Variants in RNF212B observed in about 807,000 individuals in gnomAD.
The protein encoded by RNF212B is ring finger protein 212B, also known as E3 ubiquitin-protein ligase RNF212B.
In RNF212B, 52 loss-of-function variants were observed where a neutral mutation model predicts 55.5. That is an observed-to-expected ratio of 0.94 (90% CI 0.75 to 1.18). The LOEUF (loss-of-function observed/expected upper bound fraction) is 1.18, where lower values mean the gene tolerates loss of function less well. RNF212B is among the 50% of genes most tolerant of loss of function. The pLI is 0.00. For missense variants in RNF212B, 289 were observed against 350.4 expected (o/e 0.82, Z 1.40); for synonymous variants, 99 against 121.4 (o/e 0.82, Z 1.21).
intron 14 of RNF212B, among the ~76,000 whole-genome samples, chr14:23,271,205 G>A (rs1187127287): frequency 3.3e-5 from 5 of 152,122 alleles, no homozygotes; most frequent in Non-Finnish European, 7.4e-5. Flanking sequence ...TTGGGAGGCC[G>A]AGGCAGGTGG....
intron 11 of RNF212B, among the ~76,000 whole-genome samples, chr14:23,268,175 T>G (rs1885830282): frequency 6.6e-6 from 1 of 152,166 alleles, no homozygotes; most frequent in African/African-American, 2.4e-5. Flanking sequence ...TGCTGTCAAA[T>G]TAAGACAACC....
At chr14:23,190,824 G>A (rs765461682) in intron 1 of RNF212B, among the ~76,000 whole-genome samples, 1 of 152,184 alleles carries the variant, frequency 6.6e-6, no homozygotes, top group Admixed American at 6.5e-5. Flanking sequence ...GGAGGTCCTG[G>A]TGGCCACTTG....
At chr14:23,197,941 A>G (rs1005960906) in intron 2 of RNF212B, among the ~76,000 whole-genome samples, 8 of 152,206 alleles carry the variant, frequency 5.3e-5, no homozygotes, top group Admixed American at 2.0e-4. Context: ...TCTGGTGGGC[A>G]GGCGGGGATC....
intron 2 of RNF212B, among the ~76,000 whole-genome samples, chr14:23,216,212 C>T (rs554646751): frequency 6.6e-6 from 1 of 152,100 alleles, no homozygotes; most frequent in South Asian, 2.1e-4. Context: ...TGCCACTGCA[C>T]TCCAGCCTGG....
upstream of RNF212B, among the ~76,000 whole-genome samples, chr14:23,233,255 C>G (rs62213660): frequency 5.3e-5 from 8 of 152,020 alleles, no homozygotes; most frequent in East Asian, 1.9e-4. Context: ...AAGTACCCAG[C>G]GACACAAACA....
intron 2 of RNF212B, among the ~76,000 whole-genome samples, chr14:23,232,011 C>T (rs978247746): frequency 1.3e-5 from 2 of 152,290 alleles, no homozygotes; most frequent in East Asian, 3.9e-4. Flanking sequence ...ACCTCCCAGC[C>T]GCCTGCCTTG....
intron 3 of RNF212B, among the ~76,000 whole-genome samples, chr14:23,243,604 G>A (rs1288649165): frequency 4.1e-5 from 6 of 147,130 alleles, no homozygotes; most frequent in South Asian, 2.1e-4. Flanking sequence ...GCTGAGGCAC[G>A]AGAATTACTT....
chr14:23,229,223 TATATATATATATATATATATA>T (rs1882321073), intron 2 of RNF212B, among the ~76,000 whole-genome samples: 6 of 75,532 alleles, frequency 7.9e-5, no homozygotes, highest in African/African-American at 1.6e-4. Context: ...TAATATTTTA[TATATATATATATATATATATA>T]TATATATATA....
At chr14:23,264,359 A>G (rs1429765208) in intron 10 of RNF212B, 125 bp downstream of exon 10, 2 of 835,438 alleles carry the variant, frequency 2.4e-6, no homozygotes, top group Non-Finnish European at 3.7e-6. Context: ...ACTGGACCCT[A>G]TTTTCTTTTG....
In RNF212B at chr14:23,253,026, C is replaced by T. The variant is rs1245075504; in HGVS notation, c.229-5523C>T. Among the ~76,000 whole-genome samples the T allele has an allele frequency of 2.0e-5, 3 of 152,088 alleles. No homozygotes were observed. In the East Asian group the frequency reaches 5.8e-4, roughly 29 times the overall value. On this transcript the variant is annotated intron_variant, in intron 4 of 14. Transcript: ENST00000430154. ...TTTTCATGCATCCATCACTCCACTT[C>T]AACAATTATCAGTGAATGGCCAGTT...
chr14:23,267,519 C>G (rs1032211679), intron 11 of RNF212B, among the ~76,000 whole-genome samples: 1 of 151,988 alleles, frequency 6.6e-6, no homozygotes, highest in Non-Finnish European at 1.5e-5. Context: ...ACCTCCTCCT[C>G]CTGGCTTCAA....
intron 1 of RNF212B, chr14:23,188,029 T>G (rs1202274293): frequency 6.6e-6 from 1 of 152,240 alleles, no homozygotes; most frequent in Non-Finnish European, 1.5e-5. Flanking sequence ...TTTTAGTGTA[T>G]GCTCTGTTTG....
At chr14:23,229,219 T>TA (rs1213482039) in intron 2 of RNF212B, among the ~76,000 whole-genome samples, 24 of 85,098 alleles carry the variant, frequency 2.8e-4, no homozygotes, top group East Asian at 2.4e-3. Context: ...TGAATAATAT[T>TA]TTATATATAT....
At chr14:23,220,083 C>A (rs971726844) in intron 2 of RNF212B, among the ~76,000 whole-genome samples, 2 of 152,138 alleles carry the variant, frequency 1.3e-5, no homozygotes, top group South Asian at 4.1e-4. Flanking sequence ...ACTCCAGAGG[C>A]TGAGGCACGA....
chr14:23,237,840 G>A (rs1445660461), upstream of RNF212B, among the ~76,000 whole-genome samples: 5 of 151,898 alleles, frequency 3.3e-5, no homozygotes, highest in South Asian at 4.2e-4. Context: ...TGCGGGCCCC[G>A]CCCACGCCCC....
In RNF212B at chr14:23,194,563, C is replaced by T. The variant is rs144136078; in HGVS notation, c.-2+1162C>T. On this transcript the variant is annotated intron_variant, in intron 2 of 15. Transcript: ENST00000399910. Reference sequence around the variant, plus strand: ...GACCACCCTGGGCAACATGGTGAAACTGCATCTCTACTAAAATAAAAATTA... The same window carrying T: ...GACCACCCTGGGCAACATGGTGAAATTGCATCTCTACTAAAATAAAAATTA... Among the ~76,000 whole-genome samples the T allele has an allele frequency of 9.9e-4, 151 of 152,008 alleles. 1 individual carries two copies. Among genetic ancestry groups the T allele is most frequent in the African/African-American group, 3.5e-3 (145 of 41,496 alleles).
intron 2 of RNF212B, among the ~76,000 whole-genome samples, chr14:23,219,406 A>G (rs557568416): frequency 3.3e-5 from 5 of 152,306 alleles, no homozygotes; most frequent in African/African-American, 1.2e-4. Context: ...TAAAACATAA[A>G]GAGAAAGAAC....
At chr14:23,221,125 G>A (rs955453320) in intron 2 of RNF212B, among the ~76,000 whole-genome samples, 1 of 151,688 alleles carries the variant, frequency 6.6e-6, no homozygotes, top group Non-Finnish European at 1.5e-5. Context: ...AGTGGCTCAC[G>A]CCTATAATCC....
At chr14:23,233,599 G>A (rs1374954253), upstream of RNF212B, among the ~76,000 whole-genome samples, 7 of 149,134 alleles carry the variant, frequency 4.7e-5, no homozygotes, top group East Asian at 2.0e-4. Context: ...AAAATTAGCC[G>A]GGTATGGTGG....
Sources: allele counts gnomAD v4.1 joint callset (sites outside exome capture counted in the v4.1 genomes callset), GRCh38; gene constraint gnomAD v4.1.1; transcripts MANE v1.5; gene names NCBI Gene and HGNC (gene_info 2026-07-23, HGNC 2026-07-21).